The following CACNA2D4 variants were observed in gnomAD, a reference collection of about 807,000 sequenced individuals.
The protein encoded by CACNA2D4 is calcium voltage-gated channel auxiliary subunit alpha2delta 4, also known as voltage-dependent calcium channel subunit alpha-2/delta-4.
Under a neutral mutation model 163.8 loss-of-function variants are expected in CACNA2D4, and 157 were observed. The ratio of observed to expected loss-of-function variants is 0.96; its 90% confidence interval spans 0.84 to 1.09. CACNA2D4 has a LOEUF of 1.09. Among genes scored for constraint, CACNA2D4 ranks in the 50% least tolerant of loss-of-function variants. The pLI, the probability that CACNA2D4 is intolerant of heterozygous loss-of-function variation, is 0.00. For synonymous variants in CACNA2D4, 598 were observed against 586.9 expected (o/e 1.02, Z -0.27); for missense variants, 1,410 against 1,479.9 (o/e 0.95, Z 0.78).
chr12:1,847,563 G>C (rs1197946555), intron 23 of CACNA2D4, among the ~76,000 whole-genome samples: 2 of 152,190 alleles, frequency 1.3e-5, no homozygotes, highest in Non-Finnish European at 2.9e-5. Context: ...GGCTTGTACA[G>C]GGTGGGCATG....
intron 6 of CACNA2D4, 119 bp from the exon 7 acceptor site, chr12:1,887,188 G>T: frequency 1.4e-6 from 1 of 698,434 alleles, no homozygotes; most frequent in Non-Finnish European, 2.6e-6. Context: ...TGGAGCTAGG[G>T]AACAGGGTGG....
intron 31 of CACNA2D4, 182 bp downstream of exon 31, chr12:1,800,861 A>C: frequency 1.6e-6 from 1 of 618,674 alleles, no homozygotes; most frequent in South Asian, 2.0e-5. Flanking sequence ...AGCCAGACCC[A>C]GAGGCCTGCC....
At chr12:1,879,647 C>G (rs1240334983) in intron 14 of CACNA2D4, among the ~76,000 whole-genome samples, 157 bp downstream of exon 14, 1 of 152,218 alleles carries the variant, frequency 6.6e-6, no homozygotes, top group African/African-American at 2.4e-5. Flanking sequence ...CCAGGAGAGT[C>G]TGGGGTAGCT....
chr12:1,808,676 A>G (rs1863616373), intron 29 of CACNA2D4, among the ~76,000 whole-genome samples: 1 of 152,104 alleles, frequency 6.6e-6, no homozygotes, highest in Non-Finnish European at 1.5e-5. Context: ...GCCTTAGCCC[A>G]TGCTCCGGCC....
chr12:1,828,501 G>A lies in CACNA2D4; in HGVS notation c.2551+12238C>T, dbSNP rs1565692857. Reference sequence around the variant, plus strand: ...AGGTAAGTCTCTGTGAGCTTGCTGGGGTCCCCAACAGGAGAAGAGCTCTGC... The same window carrying A: ...AGGTAAGTCTCTGTGAGCTTGCTGGAGTCCCCAACAGGAGAAGAGCTCTGC... On this transcript the variant is annotated intron_variant, in intron 26 of 37. Transcript: ENST00000382722. This position sits in a 1 kb window ranked among gnomAD's most constrained non-coding sequence, Gnocchi z 4.2. 6.6e-6 allele frequency among the ~76,000 whole-genome samples: 1 copy of A among 152,200 alleles called. No individual in the cohort carries two copies. Among genetic ancestry groups the A allele is most frequent in the Non-Finnish European group, 1.5e-5 (1 of 68,032 alleles).
Position 1,799,762 on chromosome 12 carries a change from A to T in CACNA2D4, c.2975-67T>A. The T allele has an allele frequency of 1.3e-6, 2 of 1,541,874 alleles. No individual in the cohort carries two copies. On this transcript the variant is annotated intron_variant, in intron 33 of 37. Coordinates refer to ENST00000382722, the MANE Select transcript of CACNA2D4 (RefSeq NM_172364.5). The surrounding 1 kb of genome is among the most constrained non-coding windows in gnomAD (Gnocchi z 4.7). ...GGAAAACATGGTGGCACATGAGGGC[A>T]GGATGTCATGGGGTGGTGATGATGG...
chr12:1,796,018 G>A (rs188534097), intron 35 of CACNA2D4: 136 of 562,240 alleles, frequency 2.4e-4, no homozygotes, highest in Non-Finnish European at 3.7e-4. Context: ...AGACAGTGAG[G>A]AAGTCCAAAC....
At position 1,802,685 on chromosome 12, in the gene CACNA2D4, G is replaced by A. The variant is rs1337813379; in HGVS notation, c.2722-1041C>T. ...GGCTCCCAGTAAATACTTGAAAAATGGCAGCCATCGTTAGGAGGAGAGGTC... is the reference window on the plus strand; with the variant it reads ...GGCTCCCAGTAAATACTTGAAAAATAGCAGCCATCGTTAGGAGGAGAGGTC... On this transcript the variant is annotated intron_variant, in intron 29 of 37. Coordinates refer to ENST00000382722, the MANE Select transcript of CACNA2D4 (RefSeq NM_172364.5). This position sits in a 1 kb window ranked among gnomAD's most constrained non-coding sequence, Gnocchi z 4.7. Among the ~76,000 whole-genome samples, 1 of 152,238 alleles carries A rather than the reference G, an allele frequency of 6.6e-6. No homozygotes were observed. Among genetic ancestry groups the A allele is most frequent in the South Asian group, 2.1e-4 (1 of 4,834 alleles).
chr12:1,810,983 G>A (rs1863686872), intron 27 of CACNA2D4, among the ~76,000 whole-genome samples: 1 of 152,212 alleles, frequency 6.6e-6, no homozygotes, highest in African/African-American at 2.4e-5. Context: ...CCTCGTTGCT[G>A]GTGTGGGGAG....
Position 1,878,436 on chromosome 12 carries a change from G to A in CACNA2D4, c.1645-47C>T, listed in dbSNP as rs947622405. On this transcript the variant is annotated intron_variant, in intron 15 of 37. Coordinates refer to ENST00000382722, the MANE Select transcript of CACNA2D4 (RefSeq NM_172364.5). The surrounding 1 kb of genome is among the most constrained non-coding windows in gnomAD (Gnocchi z 4.6). ...GCGCATTAGGCCTGCTGTTTGTGCT[G>A]GGCATCTGGAGTTGGGCAGGGGTTT... 2.6e-5 allele frequency: 40 copies of A among 1,562,684 alleles called. No individual in the cohort carries two copies. Among genetic ancestry groups the A allele is most frequent in the Non-Finnish European group, 3.4e-5 (39 of 1,153,478 alleles).
chr12:1,797,515 C>T lies in CACNA2D4; in HGVS notation c.3016G>A (p.Asp1006Asn). ...TCCGTGTCGCAGGGCTGCAGCGGGTCCTGCTTCTTGTGTTTGTGGGCTGCG... is the reference window on the plus strand; with the variant it reads ...TCCGTGTCGCAGGGCTGCAGCGGGTTCTGCTTCTTGTGTTTGTGGGCTGCG... ...FHHSHKHKKQDPLQPCDTEYP... is the reference protein window; with the variant it reads ...FHHSHKHKKQNPLQPCDTEYP... The change falls in exon 35 of 38, where the codon GAC becomes AAC. Residue 1006 changes from aspartate (D) to asparagine (N), a missense_variant. Transcript: ENST00000382722. The T allele has an allele frequency of 6.4e-7, 1 of 1,574,322 alleles. No individual in the cohort carries two copies. The highest frequency in any genetic ancestry group is 8.6e-7 in the Non-Finnish European group (1 of 1,161,402).
At position 1,817,825 on chromosome 12, in the gene CACNA2D4, G is replaced by A. The variant is rs1170255885; in HGVS notation, c.2552-6102C>T. 1.3e-4 allele frequency among the ~76,000 whole-genome samples: 20 copies of A among 151,842 alleles called. No homozygotes were observed. In the East Asian group the frequency reaches 3.3e-3, roughly 25 times the overall value. On this transcript the variant is annotated intron_variant, in intron 26 of 37. Transcript: ENST00000382722. ...GGCTGGAGTGCAGTGGCGTGATCTCGGCTCGCTACAACCTCCACCTCCCAG... is the reference window on the plus strand; with the variant it reads ...GGCTGGAGTGCAGTGGCGTGATCTCAGCTCGCTACAACCTCCACCTCCCAG...
chr12:1,822,462 C>G (rs1348833397), intron 26 of CACNA2D4, among the ~76,000 whole-genome samples: 1 of 151,438 alleles, frequency 6.6e-6, no homozygotes, highest in Non-Finnish European at 1.5e-5. Flanking sequence ...CACCCTGAGC[C>G]CAGCCCCAGG....
In CACNA2D4 at chr12:1,883,014, G is replaced by C. The variant is rs901733523; in HGVS notation, c.1352-14C>G. The C allele has an allele frequency of 1.2e-6, 2 of 1,609,402 alleles. No homozygotes were observed. Among genetic ancestry groups the C allele is most frequent in the Non-Finnish European group, 1.7e-6 (2 of 1,177,868 alleles). ...GCGTGTAGTAGCCTGCGGTGGGGAA[G>C]GCCGCGTGGGTGTGGAAGGCAGGGC... is the stretch of plus-strand genomic sequence containing the variant. On this transcript the variant is annotated splice_polypyrimidine_tract_variant and intron_variant, in intron 12 of 37. Coordinates refer to ENST00000382722, the MANE Select transcript of CACNA2D4 (RefSeq NM_172364.5). This position sits in a 1 kb window ranked among gnomAD's most constrained non-coding sequence, Gnocchi z 4.5.
At position 1,860,266 on chromosome 12, in the gene CACNA2D4, C is replaced by T. The variant is rs1006603826; in HGVS notation, c.1879-60G>A. On this transcript the variant is annotated intron_variant, in intron 18 of 37. Transcript: ENST00000382722. ...GAGAAGAGCGGCCCCCAGCCCCCAC[C>T]TCGCCCCCAGGGCTCTTGGGGTCTT... is the stretch of plus-strand genomic sequence containing the variant. 4 of 1,381,030 alleles carry T rather than the reference C, an allele frequency of 2.9e-6. No individual in the cohort carries two copies. The African/African-American group carries it at 5.7e-5, about 20-fold the overall frequency. The allele number at this position is 1,381,030 out of a possible 1,614,324, so 85.5% of individuals were successfully genotyped here.
At chr12:1,805,409 G>A (rs1863500781) in intron 29 of CACNA2D4, among the ~76,000 whole-genome samples, 1 of 152,164 alleles carries the variant, frequency 6.6e-6, no homozygotes, top group Admixed American at 6.5e-5. Context: ...AATGTCCCAT[G>A]GCCTCCTTAC....
Position 1,875,434 on chromosome 12 carries a change from C to T in CACNA2D4, c.1720-97G>A, listed in dbSNP as rs1245973738. On this transcript the variant is annotated intron_variant, in intron 16 of 37. Coordinates refer to ENST00000382722, the MANE Select transcript of CACNA2D4 (RefSeq NM_172364.5). The surrounding 1 kb of genome is among the most constrained non-coding windows in gnomAD (Gnocchi z 4.0). ...AGCCTTTCAGGTATATTCATAAAAGCAAAGGATTCCTTAGAAATCAATCAA... is the reference window on the plus strand; with the variant it reads ...AGCCTTTCAGGTATATTCATAAAAGTAAAGGATTCCTTAGAAATCAATCAA... The T allele has an allele frequency of 8.8e-6, 7 of 792,794 alleles. No individual in the cohort carries two copies. The highest frequency in any genetic ancestry group is 1.6e-5 in the Non-Finnish European group (7 of 451,150). The allele number at this position is 792,794 out of a possible 1,614,324, so 49.1% of individuals were successfully genotyped here. A position where few individuals can be genotyped will look rare whatever the true frequency, so the allele number is the denominator to read the frequency against.
At chr12:1,831,177 C>G in intron 26 of CACNA2D4, 2 of 1,613,974 alleles carry the variant, frequency 1.2e-6, no homozygotes, top group African/African-American at 1.3e-5. Flanking sequence ...CAACAACTTC[C>G]TGGACCGGCT....
chr12:1,848,766 A>ATTATTATTG, intron 23 of CACNA2D4, among the ~76,000 whole-genome samples: 1 of 149,542 alleles, frequency 6.7e-6, no homozygotes, highest in South Asian at 2.1e-4. Context: ...CATTGCAATT[A>ATTATTATTG]TTATTATTAT....
Sources: allele counts gnomAD v4.1 joint callset (sites outside exome capture counted in the v4.1 genomes callset), GRCh38; gene constraint gnomAD v4.1.1; non-coding constraint Gnocchi (gnomAD v3.1); transcripts MANE v1.5; gene names NCBI Gene and HGNC (gene_info 2026-07-23, HGNC 2026-07-21).